Variants in PRTG observed in about 807,000 individuals in gnomAD.
PRTG encodes the protein protogenin, also known as immunoglobulin superfamily, DCC subclass, member 5.
A neutral mutation model predicts 122.5 loss-of-function variants in PRTG; 67 were observed. The ratio of observed to expected loss-of-function variants is 0.55; its 90% CI spans 0.45 to 0.67. The LOEUF (loss-of-function observed/expected upper bound fraction) is 0.67, where lower values mean the gene tolerates loss of function less well. PRTG is among the 30% of genes least tolerant of loss of function. The pLI, the probability that PRTG is intolerant of heterozygous loss-of-function variation, is 0.00. For synonymous variants in PRTG, 554 were observed against 501.1 expected, an observed-to-expected ratio of 1.11 and a Z score of -1.41; for missense variants, 1,435 against 1,415.4, an observed-to-expected ratio of 1.01 and a Z score of -0.22.
chr15:55,640,174 A>G (rs1227560981), intron 12 of PRTG, among the ~76,000 whole-genome samples: 1 of 152,212 alleles, frequency 6.6e-6, no homozygotes, highest in African/African-American at 2.4e-5. Flanking sequence ...GGTACAGCCT[A>G]TCACCCATAG....
chr15:55,683,803 G>C lies in PRTG; in HGVS notation c.526C>G (p.Pro176Ala). The C allele has an allele frequency of 6.2e-7, 1 of 1,613,634 alleles. No individual in the cohort carries two copies. Among genetic ancestry groups the C allele is most frequent in the South Asian group, 1.1e-5 (1 of 91,008 alleles). Residue 176 changes from proline (P) to alanine (A), a missense_variant, in exon 3 of 20, where the codon CCT becomes GCT. Transcript: ENST00000389286. ...ITWEFNRTTLPMTMDRITALP... is the reference protein window; with the variant it reads ...ITWEFNRTTLAMTMDRITALP... ...TACATCTACCTGTCCATAGTCATAG[G>C]TAGAGTTGTCCGATTGAACTCCCAT...
rs757875529 is a variant in PRTG, at chr15:55,673,605, T to C, written c.1618A>G (p.Ile540Val). 5 of 1,614,146 alleles carry C rather than the reference T, an allele frequency of 3.1e-6. No individual in the cohort carries two copies. In the South Asian group the frequency reaches 5.5e-5, roughly 18 times the overall value. Residue 540 changes from isoleucine (I) to valine (V), a missense_variant, in exon 10 of 20, where the codon ATC (isoleucine) becomes GTC (valine). Ile to Val is a conservative substitution (Grantham distance 29). Coordinates refer to ENST00000389286, the MANE Select transcript of PRTG (RefSeq NM_173814.6). ...PTDILISWLP[I>V]PAKYRRGQVV... Reference sequence around the variant, plus strand: ...TGGCCCCGCCGATATTTGGCTGGGATTGGCAGCCAGGAGATGAGAATATCA... The same window carrying C: ...TGGCCCCGCCGATATTTGGCTGGGACTGGCAGCCAGGAGATGAGAATATCA...
At chr15:55,692,241 A>C (rs12899976) in intron 2 of PRTG, among the ~76,000 whole-genome samples, 54,417 of 151,964 alleles carry the variant, frequency 0.36, 12,570 homozygotes, top group Non-Finnish European at 0.52. Context: ...TCAAAAAGCC[A>C]AGTACTTAGA....
Position 55,623,493 on chromosome 15 carries a change from G to A in PRTG, c.3093+849C>T, listed in dbSNP as rs916954337. ...GAGGCAGGAGAATCGCTCGAACCGG[G>A]AGGTGGAGGTCACAGTGAGCCGAGA... On this transcript the variant is annotated intron_variant, in intron 18 of 19. Transcript: ENST00000389286. Among the ~76,000 whole-genome samples the A allele has an allele frequency of 2.0e-5, 3 of 152,060 alleles. No individual in the cohort carries two copies. In the East Asian group the frequency reaches 5.8e-4, roughly 29 times the overall value.
intron 4 of PRTG, 69 bp downstream of exon 4, chr15:55,682,295 C>A: frequency 2.4e-6 from 3 of 1,263,900 alleles, no homozygotes; most frequent in South Asian, 2.1e-5. Context: ...ATTATTACAG[C>A]AGAGGAGAAG....
At chr15:55,698,339 G>A (rs1157597092) in intron 2 of PRTG, among the ~76,000 whole-genome samples, 2 of 152,124 alleles carry the variant, frequency 1.3e-5, no homozygotes, top group East Asian at 3.9e-4. Flanking sequence ...CACCCAGGCT[G>A]GAGTGCAGTG....
chr15:55,715,058 C>T (rs926953680), intron 2 of PRTG, among the ~76,000 whole-genome samples: 1 of 151,944 alleles, frequency 6.6e-6, no homozygotes, highest in Non-Finnish European at 1.5e-5. Context: ...CTCTAAACAC[C>T]AAAATCATTT....
intron 15 of PRTG, among the ~76,000 whole-genome samples, chr15:55,631,089 C>CA (rs2059225079): frequency 6.6e-6 from 1 of 152,190 alleles, no homozygotes; most frequent in South Asian, 2.1e-4. Flanking sequence ...AGCCAGAACA[C>CA]AACTTGTTTT....
At chr15:55,702,113 A>T (rs1254906059) in intron 2 of PRTG, among the ~76,000 whole-genome samples, 1 of 152,216 alleles carries the variant, frequency 6.6e-6, no homozygotes, top group African/African-American at 2.4e-5. Flanking sequence ...CAAGAAGGCT[A>T]TACTTCTTTA....
chr15:55,634,063 C>CT lies in PRTG; in HGVS notation c.2623+3106dup, dbSNP rs10711487. On this transcript the variant is annotated intron_variant, in intron 15 of 19. Coordinates refer to ENST00000389286, the MANE Select transcript of PRTG (RefSeq NM_173814.6). ...AGGAGCCAGAACAAAATATACATTG[C>CT]TTTTTTTTTTTTTTTTTTTTTGAGA... Among the ~76,000 whole-genome samples, 102 of 73,804 alleles carry CT rather than the reference C, an allele frequency of 1.4e-3. 2 individuals carry two copies. The highest frequency in any genetic ancestry group is 3.0e-3 in the African/African-American group (68 of 22,304). The allele number at this position is 73,804 out of a possible 152,430, so 48.4% of individuals were successfully genotyped here.
intron 15 of PRTG, among the ~76,000 whole-genome samples, chr15:55,633,391 A>C (rs2059238682): frequency 6.6e-6 from 1 of 152,082 alleles, no homozygotes; most frequent in Non-Finnish European, 1.5e-5. Context: ...TATTTACTTT[A>C]AATTACATAC....
chr15:55,624,703 T>C (rs2059185475), intron 17 of PRTG, among the ~76,000 whole-genome samples, 196 bp from the exon 18 acceptor site: 2 of 152,176 alleles, frequency 1.3e-5, no homozygotes, highest in South Asian at 4.1e-4. Context: ...CTTTATTTCT[T>C]TTTGCCTCGC....
At chr15:55,680,292 T>TCAA in intron 5 of PRTG, 80 bp from the exon 6 acceptor site, 1 of 1,238,964 alleles carries the variant, frequency 8.1e-7, no homozygotes, top group Non-Finnish European at 1.1e-6. Context: ...ATCCAAGCAA[T>TCAA]CAATCATGAA....
intron 12 of PRTG, 143 bp downstream of exon 12, chr15:55,640,970 A>G (rs976423438): frequency 1.3e-5 from 7 of 530,432 alleles, no homozygotes; most frequent in Non-Finnish European, 1.9e-5. Context: ...CAAACAAAAC[A>G]AAAAAACTAC....
intron 2 of PRTG, among the ~76,000 whole-genome samples, chr15:55,736,346 C>T (rs2031411838): frequency 6.6e-6 from 1 of 151,318 alleles, no homozygotes; most frequent in African/African-American, 2.4e-5. Context: ...TCTCACAGTT[C>T]TTAGGTTCTC....
At chr15:55,675,798 C>T in intron 8 of PRTG, 115 bp from the exon 9 acceptor site, 1 of 525,318 alleles carries the variant, frequency 1.9e-6, no homozygotes, top group Non-Finnish European at 3.3e-6. Flanking sequence ...CTCTTATCTT[C>T]TGTGCCCCTT....
intron 18 of PRTG, among the ~76,000 whole-genome samples, chr15:55,623,684 C>T (rs1350579720): frequency 6.6e-6 from 1 of 152,184 alleles, no homozygotes; most frequent in Admixed American, 6.5e-5. Context: ...GTTGTGGGAG[C>T]TATTCCAATA....
At chr15:55,624,293 G>A in intron 18 of PRTG, 49 bp downstream of exon 18, 1 of 1,559,306 alleles carries the variant, frequency 6.4e-7, no homozygotes, top group South Asian at 1.2e-5. Flanking sequence ...CACACACAGG[G>A]AGGAGGAATG....
rs1169536740 is a variant in PRTG, at chr15:55,742,995, C to T, written c.-64G>A. 2.2e-6 allele frequency: 3 copies of T among 1,388,980 alleles called. No homozygotes were observed. Among genetic ancestry groups the T allele is most frequent in the Non-Finnish European group, 2.8e-6 (3 of 1,076,256 alleles). The allele number at this position is 1,388,980 out of a possible 1,614,324, so 86.0% of individuals were successfully genotyped here. On this transcript the variant is annotated 5_prime_UTR_variant, in exon 1 of 20. Transcript: ENST00000389286. Reference sequence around the variant, plus strand: ...AGCCCCTGTCCGTCTGCGGCCCCCGCCCCGGGCGCTCTCTGCTCTGCGGCT... The same window carrying T: ...AGCCCCTGTCCGTCTGCGGCCCCCGTCCCGGGCGCTCTCTGCTCTGCGGCT...
Sources: allele counts gnomAD v4.1 joint callset (sites outside exome capture counted in the v4.1 genomes callset), GRCh38; gene constraint gnomAD v4.1.1; transcripts MANE v1.5; gene names NCBI Gene and HGNC (gene_info 2026-07-23, HGNC 2026-07-21).